ADGRG1: variants seen among roughly 807,000 people sequenced by gnomAD.
The protein encoded by ADGRG1 is adhesion G protein-coupled receptor G1, also known as 7-transmembrane protein with no EGF-like N-terminal domains-1.
ADGRG1 carries 53 observed loss-of-function variants against 73.5 expected under a neutral mutation model. The observed-to-expected ratio is 0.72, with a 90% CI of 0.58 to 0.91. The LOEUF (loss-of-function observed/expected upper bound fraction) is 0.91, where lower values mean the gene tolerates loss of function less well. Ranked by LOEUF, ADGRG1 falls within the 40% of genes least tolerant of loss-of-function variation. ADGRG1 has a pLI of 0.00. For missense variants in ADGRG1, 795 were observed against 871.8 expected (o/e 0.91, Z 1.11); for synonymous variants, 394 against 374.4 (o/e 1.05, Z -0.60).
chr16:57,633,011 G>A (rs1295064374), intron 1 of ADGRG1: 11 of 923,992 alleles, frequency 1.2e-5, no homozygotes, highest in Middle Eastern at 1.1e-3. Flanking sequence ...TTCCCCTCCC[G>A]TCCCCAGGTC....
chr16:57,627,748 C>T, upstream of ADGRG1: 1 of 967,912 alleles, frequency 1.0e-6, no homozygotes, highest in Non-Finnish European at 1.2e-6. Context: ...GGAGGGCAGA[C>T]AGGAGCCTCT....
At chr16:57,641,805 T>C (rs1176327625) in intron 1 of ADGRG1, 1 of 163,824 alleles carries the variant, frequency 6.1e-6, no homozygotes, top group Non-Finnish European at 1.3e-5. Context: ...CCTCAAATGA[T>C]CTGCCCACCT....
upstream of ADGRG1, among the ~76,000 whole-genome samples, chr16:57,625,033 C>T (rs1567657747): frequency 6.6e-6 from 1 of 152,100 alleles, no homozygotes; most frequent in Non-Finnish European, 1.5e-5. Flanking sequence ...CTGGCCTGAA[C>T]CCAGAGTCTG....
rs1268458981 is a variant in ADGRG1, at chr16:57,663,816, C to T, written c.*234C>T. 18 of 591,908 alleles carry T rather than the reference C, an allele frequency of 3.0e-5. No homozygotes were observed. Among genetic ancestry groups the T allele is most frequent in the East Asian group, 2.9e-4 (10 of 34,894 alleles). 36.7% of individuals were successfully genotyped at this position (591,908 alleles called of 1,614,324 possible). A position where few individuals can be genotyped will look rare whatever the true frequency, so the allele number is the denominator to read the frequency against. On this transcript the variant is annotated 3_prime_UTR_variant, in exon 14 of 14. Transcript: ENST00000562631. ...GCTCCCACGGGACTCAGAAGTGCGC[C>T]GCCATGCTGCCTAGGGTACTGTCCC...
At chr16:57,635,989 A>G (rs2039257407) in intron 1 of ADGRG1, 1 of 985,212 alleles carries the variant, frequency 1.0e-6, no homozygotes, top group Non-Finnish European at 1.2e-6. Flanking sequence ...GAGTCTCTGC[A>G]GACTAGTCCT....
chr16:57,649,337 A>G (rs2043452345), intron 1 of ADGRG1, among the ~76,000 whole-genome samples: 1 of 152,098 alleles, frequency 6.6e-6, no homozygotes, highest in Non-Finnish European at 1.5e-5. Context: ...GCCCACAGAG[A>G]TGGATCAGGT....
In ADGRG1 at chr16:57,656,587, C is replaced by T. The variant is rs747604071; in HGVS notation, c.1137C>T (p.Cys379=). 11 of 1,612,936 alleles carry T rather than the reference C, an allele frequency of 6.8e-6. No individual in the cohort carries two copies. The highest frequency in any genetic ancestry group is 1.7e-4 in the Middle Eastern group (1 of 6,056). ...GAGAAACCCAAACATCCTGCTTCTGCAACCACTTGACCTACTTTGCAGTGC... is the reference window on the plus strand; with the variant it reads ...GAGAAACCCAAACATCCTGCTTCTGTAACCACTTGACCTACTTTGCAGTGC... The part of the protein sequence containing the change: ...VRRETQTSCF[C]NHLTYFAVLM... The change falls in exon 9 of 14, where the codon TGC becomes TGT. Residue 379 remains cysteine, a synonymous_variant. Coordinates refer to ENST00000562631, the MANE Select transcript of ADGRG1 (RefSeq NM_201525.4).
intron 1 of ADGRG1, chr16:57,644,243 C>T: frequency 1.1e-6 from 1 of 941,040 alleles, no homozygotes; most frequent in South Asian, 4.9e-5. Flanking sequence ...CACACTCATG[C>T]ACACACATGC....
chr16:57,644,909 TTCATAA>T (rs2042145871), intron 1 of ADGRG1: 5 of 160,594 alleles, frequency 3.1e-5, no homozygotes, highest in East Asian at 2.9e-4. Context: ...CACTCATCAC[TTCATAA>T]CTCATGCACA....
chr16:57,657,981 A>C (rs1351356435), intron 10 of ADGRG1, among the ~76,000 whole-genome samples: 2 of 151,968 alleles, frequency 1.3e-5, no homozygotes, highest in African/African-American at 2.4e-5. Flanking sequence ...ACCTCAAGTG[A>C]TCCACCCACC....
chr16:57,628,090 G>A, upstream of ADGRG1: 1 of 985,128 alleles, frequency 1.0e-6, no homozygotes, highest in Non-Finnish European at 1.2e-6. Context: ...AGGTCAGCCG[G>A]TCAGTCGTGC....
chr16:57,644,200 C>A, intron 1 of ADGRG1: 1 of 984,994 alleles, frequency 1.0e-6, no homozygotes, highest in South Asian at 4.7e-5. Context: ...CCATGCATCC[C>A]TGTGTATGCA....
At chr16:57,628,851 T>TGTGTGAGC (rs1455669819) in intron 1 of ADGRG1, 49 bp downstream of exon 1, 1 of 979,816 alleles carries the variant, frequency 1.0e-6, no homozygotes, top group African/African-American at 1.8e-5. Flanking sequence ...ATAGTGTGAG[T>TGTGTGAGC]GTGAGAGTGT....
At chr16:57,658,924 T>C in intron 10 of ADGRG1, 10 of 983,712 alleles carry the variant, frequency 1.0e-5, no homozygotes, top group Non-Finnish European at 1.2e-5. Flanking sequence ...CTGCACCCTC[T>C]AGGGCCATGT....
intron 1 of ADGRG1, chr16:57,647,043 A>G (rs1233726018): frequency 1.5e-6 from 1 of 670,926 alleles, no homozygotes; most frequent in Non-Finnish European, 1.7e-6. Context: ...GCGGAGACTC[A>G]TGCTACATCC....
chr16:57,657,337 C>T (rs1350064156), intron 9 of ADGRG1, 36 bp from the exon 10 acceptor site: 1 of 1,613,580 alleles, frequency 6.2e-7, no homozygotes. Flanking sequence ...GTGTGGGGGA[C>T]ACAGAGGCCA....
chr16:57,632,783 C>T (rs2038342583), intron 1 of ADGRG1: 7 of 985,318 alleles, frequency 7.1e-6, no homozygotes, highest in Non-Finnish European at 8.4e-6. Context: ...AGCTGGCATG[C>T]TTCCGGGCAC....
At chr16:57,631,639 C>G in intron 1 of ADGRG1, 1 of 985,536 alleles carries the variant, frequency 1.0e-6, no homozygotes, top group Non-Finnish European at 1.2e-6. Context: ...GTGAGCAAAC[C>G]CAGCAGTCAG....
intron 1 of ADGRG1, chr16:57,643,653 G>T (rs1486629804): frequency 9.1e-6 from 9 of 985,076 alleles, no homozygotes; most frequent in Non-Finnish European, 1.1e-5. Context: ...CAGCCTCCGA[G>T]GCAGGCAGCT....
Sources: allele counts gnomAD v4.1 joint callset (sites outside exome capture counted in the v4.1 genomes callset), GRCh38; gene constraint gnomAD v4.1.1; transcripts MANE v1.5; gene names NCBI Gene and HGNC (gene_info 2026-07-23, HGNC 2026-07-21).